The following NBR1 variants were observed in gnomAD, a reference collection of about 807,000 sequenced individuals.
NBR1 encodes the protein NBR1 autophagy cargo receptor.
A neutral mutation model predicts 115.5 loss-of-function variants in NBR1; 59 were observed. That is an observed-to-expected ratio of 0.51 (90% CI 0.41 to 0.63). The LOEUF is 0.63. NBR1 is among the 30% of genes least tolerant of loss of function. The pLI, the probability that NBR1 is intolerant of heterozygous loss-of-function variation, is 0.00. For synonymous variants in NBR1, 373 were observed against 414.7 expected, an observed-to-expected ratio of 0.90 and a Z score of 1.22; for missense variants, 1,043 against 1,150.5, an observed-to-expected ratio of 0.91 and a Z score of 1.35.
Position 43,191,502 on chromosome 17 carries a change from T to C in NBR1, c.994T>C (p.Trp332Arg). 2 of 1,613,230 alleles carry C rather than the reference T, an allele frequency of 1.2e-6. No individual in the cohort carries two copies. Among genetic ancestry groups the C allele is most frequent in the Non-Finnish European group, 1.7e-6 (2 of 1,179,580 alleles). The change falls in exon 10 of 21, where the codon TGG becomes CGG. Residue 332 changes from tryptophan (W) to arginine (R), a missense_variant. Coordinates refer to ENST00000590996, the MANE Select transcript of NBR1 (RefSeq NM_005899.5). Reference protein sequence around the residue: ...QLKLHRKIHLWNSIHGLQSPK... With the variant: ...QLKLHRKIHLRNSIHGLQSPK... Reference sequence around the variant, plus strand: ...TAAACTCCATAGGAAAATTCACCTGTGGAATTCAATCCATGGACTCCAGAG... The same window carrying C: ...TAAACTCCATAGGAAAATTCACCTGCGGAATTCAATCCATGGACTCCAGAG...
intron 13 of NBR1, 79 bp from the exon 14 acceptor site, chr17:43,194,885 G>A: frequency 2.9e-6 from 3 of 1,043,572 alleles, no homozygotes; most frequent in African/African-American, 1.6e-5. Flanking sequence ...ACGAAATGAT[G>A]TGGAAATGGT....
At chr17:43,201,151 G>A (rs961316006) in intron 17 of NBR1, among the ~76,000 whole-genome samples, 2 of 152,176 alleles carry the variant, frequency 1.3e-5, no homozygotes, top group African/African-American at 4.8e-5. Context: ...TTACAGGTGT[G>A]AGCCACTATG....
intron 1 of NBR1, among the ~76,000 whole-genome samples, chr17:43,171,934 C>G (rs1434412692): frequency 1.3e-5 from 2 of 152,178 alleles, no homozygotes; most frequent in African/African-American, 4.8e-5. Flanking sequence ...TAAGCCACCG[C>G]TCCCGGCCTC....
chr17:43,181,501 C>G (rs938537991), intron 5 of NBR1, among the ~76,000 whole-genome samples: 2 of 137,714 alleles, frequency 1.5e-5, no homozygotes, highest in African/African-American at 5.1e-5. Context: ...GAAACCCTGT[C>G]TCTACTAAAA....
chr17:43,173,888 C>T (rs2056440810), intron 1 of NBR1, among the ~76,000 whole-genome samples: 1 of 143,254 alleles, frequency 7.0e-6, no homozygotes, highest in African/African-American at 2.5e-5. Flanking sequence ...TCTTGTTCCT[C>T]TCAACCTAAG....
intron 1 of NBR1, 49 bp from the exon 2 acceptor site, chr17:43,175,742 C>G (rs2056498285): frequency 1.2e-6 from 1 of 846,864 alleles, no homozygotes. Flanking sequence ...CTTATAGAAC[C>G]CTTTCTAATG....
intron 17 of NBR1, 109 bp downstream of exon 17, chr17:43,200,717 T>C (rs1166269025): frequency 1.7e-5 from 16 of 921,604 alleles, no homozygotes; most frequent in Non-Finnish European, 2.6e-5. Context: ...AGAGACTATT[T>C]TCCATAGCAA....
At chr17:43,187,886 C>CTTTTTTTT (rs66857389) in intron 6 of NBR1, among the ~76,000 whole-genome samples, 3 of 58,912 alleles carry the variant, frequency 5.1e-5, no homozygotes, top group Admixed American at 2.7e-4. Context: ...TTGCATTTCT[C>CTTTTTTTT]TTTTTTTTTT....
Position 43,203,752 on chromosome 17 carries a change from A to G in NBR1, c.2693A>G (p.Lys898Arg), listed in dbSNP as rs1257719149. ...TTGTCTGTTGCTGCCTCTGCATACAAGGCCCTGTTTGCTGGGCCACCAGTC... is the reference window on the plus strand; with the variant it reads ...TTGTCTGTTGCTGCCTCTGCATACAGGGCCCTGTTTGCTGGGCCACCAGTC... ...GALSVAASAYKALFAGPPVTA... is the reference protein window; with the variant it reads ...GALSVAASAYRALFAGPPVTA... Residue 898 changes from lysine (K) to arginine (R), a missense_variant, in exon 20 of 21, where the codon AAG (lysine) becomes AGG (arginine). Physicochemically the swap from Lys to Arg is conservative, Grantham distance 26. Coordinates refer to ENST00000590996, the MANE Select transcript of NBR1 (RefSeq NM_005899.5). 9.3e-6 allele frequency: 15 copies of G among 1,605,132 alleles called. No individual in the cohort carries two copies. Among genetic ancestry groups the G allele is most frequent in the Non-Finnish European group, 1.3e-5 (15 of 1,175,430 alleles).
intron 6 of NBR1, among the ~76,000 whole-genome samples, chr17:43,186,796 T>G (rs1257878572): frequency 2.0e-5 from 3 of 152,182 alleles, no homozygotes; most frequent in Non-Finnish European, 4.4e-5. Context: ...TGAGTTAGTT[T>G]GCTAAGAATG....
At chr17:43,189,999 T>C (rs1567855056) in intron 8 of NBR1, 197 bp downstream of exon 8, 1 of 596,294 alleles carries the variant, frequency 1.7e-6, no homozygotes, top group Non-Finnish European at 3.0e-6. Flanking sequence ...TGTGTTCAAA[T>C]GTGCATTTGG....
intron 13 of NBR1, 112 bp from the exon 14 acceptor site, chr17:43,194,852 C>A: frequency 1.3e-6 from 1 of 773,084 alleles, no homozygotes. Context: ...TGGGGACAGG[C>A]ATGAATTTGA....
At chr17:43,187,680 T>C (rs35014595) in intron 6 of NBR1, among the ~76,000 whole-genome samples, 75,552 of 149,404 alleles carry the variant, frequency 0.51, 22,359 homozygotes, top group Non-Finnish European at 0.65. Context: ...GGCTAATTTT[T>C]TGTATTTTTA....
chr17:43,183,783 A>G (rs1277888317), intron 5 of NBR1, among the ~76,000 whole-genome samples: 2 of 150,406 alleles, frequency 1.3e-5, no homozygotes, highest in African/African-American at 4.9e-5. Context: ...CCTCAGCCAC[A>G]CTAATAGCTG....
At chr17:43,189,239 A>T in intron 7 of NBR1, 120 bp downstream of exon 7, 1 of 751,798 alleles carries the variant, frequency 1.3e-6, no homozygotes, top group Middle Eastern at 2.4e-4. Flanking sequence ...GTGGTAGCTT[A>T]TAATTTCCAA....
chr17:43,193,760 T>TC (rs1567858911), intron 12 of NBR1, 122 bp downstream of exon 12: 3 of 1,041,122 alleles, frequency 2.9e-6, no homozygotes, highest in Admixed American at 2.8e-5. Context: ...GGTTAGCATC[T>TC]CCCCCCGCCC....
At chr17:43,172,907 G>C (rs1431552781) in intron 1 of NBR1, among the ~76,000 whole-genome samples, 1 of 151,604 alleles carries the variant, frequency 6.6e-6, no homozygotes, top group African/African-American at 2.4e-5. Context: ...CTCACTGCAA[G>C]CTCCACCTCC....
chr17:43,191,603 G>T, intron 10 of NBR1, 22 bp downstream of exon 10: 3 of 1,548,876 alleles, frequency 1.9e-6, no homozygotes, highest in Non-Finnish European at 1.7e-6. Flanking sequence ...ACTGGGGTGG[G>T]AGCCAAAACT....
intron 19 of NBR1, 124 bp downstream of exon 19, chr17:43,202,836 C>T (rs879197720): frequency 6.9e-6 from 5 of 724,814 alleles, no homozygotes; most frequent in Admixed American, 2.7e-5. Context: ...GCCTTTGTTC[C>T]GTCTTATTCT....
Sources: allele counts gnomAD v4.1 joint callset (sites outside exome capture counted in the v4.1 genomes callset), GRCh38; gene constraint gnomAD v4.1.1; transcripts MANE v1.5; gene names NCBI Gene and HGNC (gene_info 2026-07-23, HGNC 2026-07-21).